Variants in TRIP11 observed in about 807,000 individuals in gnomAD.
TRIP11 encodes thyroid receptor-interacting protein 11.
A neutral mutation model predicts 223.1 loss-of-function variants in TRIP11; 148 were observed. The observed-to-expected ratio is 0.66, with a 90% CI of 0.58 to 0.76. The LOEUF (loss-of-function observed/expected upper bound fraction) is 0.76. Ranked by LOEUF, TRIP11 falls within the 30% of genes least tolerant of loss-of-function variation. The probability of loss-of-function intolerance (pLI) is 0.00; values close to 1 mark genes in which losing one functional copy is unlikely to be tolerated. For missense variants in TRIP11, 2,043 were observed against 2,222.0 expected (o/e 0.92, Z 1.62); for synonymous variants, 762 against 772.6 (o/e 0.99, Z 0.23).
In TRIP11 at chr14:91,968,826, C is replaced by T; in HGVS notation, c.*847G>A. 1 of 232,904 alleles carries T rather than the reference C, an allele frequency of 4.3e-6. No individual in the cohort carries two copies. The highest frequency in any genetic ancestry group is 6.1e-5 in the East Asian group (1 of 16,410). The allele number at this position is 232,904 out of a possible 1,614,324, so 14.4% of individuals were successfully genotyped here. A position where few individuals can be genotyped will look rare whatever the true frequency, so the allele number is the denominator to read the frequency against. On this transcript the variant is annotated 3_prime_UTR_variant, in exon 21 of 21. Coordinates refer to ENST00000267622, the MANE Select transcript of TRIP11 (RefSeq NM_004239.4). ...ATAACAAAATGACTGAGATGGAGAA[C>T]AGTAAGTGGTTGTCAGGGATTAAGG...
At chr14:92,009,609 G>A (rs1030383172) in intron 9 of TRIP11, among the ~76,000 whole-genome samples, 11 of 152,184 alleles carry the variant, frequency 7.2e-5, no homozygotes, top group Admixed American at 2.0e-4. Context: ...AAAACGACTG[G>A]GAGATACTGC....
chr14:91,974,927 G>C (rs2056445206), intron 18 of TRIP11, among the ~76,000 whole-genome samples, 184 bp from the exon 19 acceptor site: 1 of 152,166 alleles, frequency 6.6e-6, no homozygotes, highest in Non-Finnish European at 1.5e-5. Flanking sequence ...CATCTCAAAT[G>C]AAAGTCTGGG....
Position 92,014,584 on chromosome 14 carries a change from C to T in TRIP11, c.824-7G>A, listed in dbSNP as rs773646125. ...TCTATAACTCCAGAGCCACCTAGAA[C>T]ATAAACACAAAACAATGACATCAAA... On this transcript the variant is annotated splice_region_variant and splice_polypyrimidine_tract_variant and intron_variant, in intron 6 of 20. Transcript: ENST00000267622. The T allele has an allele frequency of 5.0e-6, 8 of 1,600,192 alleles. No homozygotes were observed. The South Asian group carries it at 5.6e-5, about 11-fold the overall frequency.
In TRIP11 at chr14:92,004,744, T is replaced by G; in HGVS notation, c.3232A>C (p.Thr1078Pro). The G allele has an allele frequency of 6.2e-7, 1 of 1,614,162 alleles. No homozygotes were observed. Among genetic ancestry groups the G allele is most frequent in the Non-Finnish European group, 8.5e-7 (1 of 1,180,022 alleles). Residue 1078 changes from threonine to proline, a missense_variant, in exon 11 of 21, where the codon ACT becomes CCT. Coordinates refer to ENST00000267622, the MANE Select transcript of TRIP11 (RefSeq NM_004239.4). ...IQALHARISSTSHTQDVVYLQ... is the reference protein window; with the variant it reads ...IQALHARISSPSHTQDVVYLQ... ...TAAACAACATCTTGAGTATGGGAAG[T>G]TGAAGAAATTCTAGCATGAAGAGCT...
chr14:92,037,766 C>T lies in TRIP11; in HGVS notation c.139+1781G>A, dbSNP rs2057338919. On this transcript the variant is annotated intron_variant, in intron 1 of 20. Coordinates refer to ENST00000267622, the MANE Select transcript of TRIP11 (RefSeq NM_004239.4). This position sits in a 1 kb window ranked among gnomAD's most constrained non-coding sequence, Gnocchi z 4.2. ...TGGCACACGCCTGTAATCCCAGCTA[C>T]TTGGGAGGCTGAGGCAGGAGAATTG... is the stretch of plus-strand genomic sequence containing the variant. Among the ~76,000 whole-genome samples, 2 of 152,164 alleles carry T rather than the reference C, an allele frequency of 1.3e-5. No individual in the cohort carries two copies. Among genetic ancestry groups the T allele is most frequent in the South Asian group, 4.1e-4 (2 of 4,828 alleles).
At position 91,988,314 on chromosome 14, in the gene TRIP11, C is replaced by T; in HGVS notation, c.5230G>A (p.Glu1744Lys). Reference protein sequence around the residue: ...SRLTEQLDVKEEQIEELKRQN... With the variant: ...SRLTEQLDVKKEQIEELKRQN... ...CTTTTAAGTTCTTCAATTTGTTCTT[C>T]TTTTACATCTAACTGTTCTGTAAGT... The change falls in exon 16 of 21, where the codon GAA (glutamate) becomes AAA (lysine). Residue 1744 changes from glutamate to lysine, a missense_variant. Transcript: ENST00000267622. 1 of 1,613,316 alleles carries T rather than the reference C, an allele frequency of 6.2e-7. No individual in the cohort carries two copies. Among genetic ancestry groups the T allele is most frequent in the Non-Finnish European group, 8.5e-7 (1 of 1,179,790 alleles).
chr14:91,970,005 G>C (rs953688504), intron 20 of TRIP11, 112 bp from the exon 21 acceptor site: 2 of 1,085,818 alleles, frequency 1.8e-6, no homozygotes, highest in Non-Finnish European at 2.7e-6. Flanking sequence ...AAATTGATTA[G>C]CATAGATAAA....
chr14:92,012,351 G>A lies in TRIP11; in HGVS notation c.1187-556C>T, dbSNP rs2056983051. On this transcript the variant is annotated intron_variant, in intron 7 of 20. Coordinates refer to ENST00000267622, the MANE Select transcript of TRIP11 (RefSeq NM_004239.4). ...AAATCATTGATTCAACATTCACTCA[G>A]GAAATATTTAGCATTTACTATGAGG... Among the ~76,000 whole-genome samples, 3 of 152,252 alleles carry A rather than the reference G, an allele frequency of 2.0e-5. No homozygotes were observed. The South Asian group carries it at 6.2e-4, about 32-fold the overall frequency.
intron 13 of TRIP11, among the ~76,000 whole-genome samples, chr14:91,997,721 T>A (rs1405804974): frequency 6.6e-6 from 1 of 152,036 alleles, no homozygotes; most frequent in African/African-American, 2.4e-5. Flanking sequence ...TTTGGCTGGA[T>A]GTAGCTGATA....
At chr14:92,028,533 GACAGAGCA>G (rs911120587) in intron 2 of TRIP11, among the ~76,000 whole-genome samples, 2 of 152,130 alleles carry the variant, frequency 1.3e-5, no homozygotes, top group Non-Finnish European at 2.9e-5. Flanking sequence ...CAACTTGGGT[GACAGAGCA>G]AGACCCTGTC....
chr14:91,969,178 ATCTTGTTGGCCTGTC>A lies in TRIP11; in HGVS notation c.*480_*494del. On this transcript the variant is annotated 3_prime_UTR_variant, in exon 21 of 21. Transcript: ENST00000267622. ...GGGAACCTATGACCTTCCAGCAACA[ATCTTGTTGGCCTGTC>A]TCCACAAAGTCCTCTAAAGATGATC... 4.0e-6 allele frequency: 1 copy of A among 247,644 alleles called. No homozygotes were observed. The highest frequency in any genetic ancestry group is 5.9e-5 in the East Asian group (1 of 16,978). The allele number at this position is 247,644 out of a possible 1,614,324, so 15.3% of individuals were successfully genotyped here. A position where few individuals can be genotyped will look rare whatever the true frequency, so the allele number is the denominator to read the frequency against.
At chr14:92,039,216 G>A (rs2057356535) in intron 1 of TRIP11, among the ~76,000 whole-genome samples, 1 of 152,178 alleles carries the variant, frequency 6.6e-6, no homozygotes, top group African/African-American at 2.4e-5. Context: ...TTAAGAATGA[G>A]ATCAGCCCCC....
At position 91,967,920 on chromosome 14, in the gene TRIP11, T is replaced by C. The variant is rs1373037511; in HGVS notation, c.*1753A>G. On this transcript the variant is annotated 3_prime_UTR_variant, in exon 21 of 21. Transcript: ENST00000267622. The stretch of plus-strand genomic sequence containing the variant: ...AAGAGGCAGTTTGACAGTTCTAATA[T>C]AGAACTTGCATGACAACTTCCTTTA... 3 of 200,702 alleles carry C rather than the reference T, an allele frequency of 1.5e-5. No individual in the cohort carries two copies. Among genetic ancestry groups the C allele is most frequent in the Admixed American group, 6.0e-5 (1 of 16,698 alleles). 12.4% of individuals were successfully genotyped at this position (200,702 alleles called of 1,614,324 possible).
At position 92,018,977 on chromosome 14, in the gene TRIP11, AAC is replaced by A. The variant is rs1555388043; in HGVS notation, c.589-1229_589-1228del. ...CTCCATCTCAAAAAAAAAAAAAAAA[AAC>A]AAAAAAAAAACTTTCAGTTTCCTTA... On this transcript the variant is annotated intron_variant, in intron 4 of 20. Coordinates refer to ENST00000267622, the MANE Select transcript of TRIP11 (RefSeq NM_004239.4). 1.9e-3 allele frequency among the ~76,000 whole-genome samples: 279 copies of A among 149,546 alleles called. 20 individuals are homozygous for A. Among genetic ancestry groups the A allele is most frequent in the South Asian group, 9.1e-3 (43 of 4,706 alleles).
intron 9 of TRIP11, among the ~76,000 whole-genome samples, chr14:92,009,857 CAGAA>C (rs1486079637): frequency 6.6e-6 from 1 of 152,032 alleles, no homozygotes; most frequent in East Asian, 1.9e-4. Flanking sequence ...AGACATAGTC[CAGAA>C]AGAAACACTA....
chr14:92,030,190 C>CGA (rs2057246141), intron 2 of TRIP11, among the ~76,000 whole-genome samples: 1 of 105,462 alleles, frequency 9.5e-6, no homozygotes, highest in Admixed American at 1.4e-4. Flanking sequence ...GGCGACAGAG[C>CGA]GAGACTCCGT....
Position 92,004,209 on chromosome 14 carries a change from T to C in TRIP11, c.3767A>G (p.Asp1256Gly). Residue 1256 changes from aspartate to glycine, a missense_variant, in exon 11 of 21, where the codon GAC (aspartate) becomes GGC (glycine). Physicochemically the swap from Asp to Gly is moderately conservative, Grantham distance 94. Coordinates refer to ENST00000267622, the MANE Select transcript of TRIP11 (RefSeq NM_004239.4). Reference sequence around the variant, plus strand: ...TTGTAATTTAGAATTATTATCACTGTCAACCAAAACCTGTGCTTGAAGTTG... The same window carrying C: ...TTGTAATTTAGAATTATTATCACTGCCAACCAAAACCTGTGCTTGAAGTTG... ...LHQLQAQVLV[D>G]SDNNSKLQVD... 1 of 1,614,198 alleles carries C rather than the reference T, an allele frequency of 6.2e-7. No individual in the cohort carries two copies. The highest frequency in any genetic ancestry group is 8.5e-7 in the Non-Finnish European group (1 of 1,180,042).
At position 91,976,277 on chromosome 14, in the gene TRIP11, A is replaced by G. The variant is rs897682707; in HGVS notation, c.5261-88T>C. On this transcript the variant is annotated intron_variant, in intron 16 of 20. Transcript: ENST00000267622. ...TAATGAAATTTATGAGATCTTTATT[A>G]TAACCTCTGAATATATACACTTATT... is the stretch of plus-strand genomic sequence containing the variant. 5.0e-5 allele frequency: 53 copies of G among 1,067,616 alleles called. No individual in the cohort carries two copies. In the South Asian group the frequency reaches 7.0e-4, roughly 14 times the overall value. 66.1% of individuals were successfully genotyped at this position (1,067,616 alleles called of 1,614,324 possible). A position where few individuals can be genotyped will look rare whatever the true frequency, so the allele number is the denominator to read the frequency against.
chr14:92,033,063 A>G, intron 2 of TRIP11, 129 bp downstream of exon 2: 1 of 707,670 alleles, frequency 1.4e-6, no homozygotes, highest in African/African-American at 1.8e-5. Context: ...TCAAAAAACA[A>G]TCAAAATTAA....
Sources: allele counts gnomAD v4.1 joint callset (sites outside exome capture counted in the v4.1 genomes callset), GRCh38; gene constraint gnomAD v4.1.1; non-coding constraint Gnocchi (gnomAD v3.1); transcripts MANE v1.5; gene names NCBI Gene and HGNC (gene_info 2026-07-23, HGNC 2026-07-21).